MYRIP: variants seen among roughly 807,000 people sequenced by gnomAD.
MYRIP encodes myosin VIIA and Rab interacting protein, also known as rab effector MyRIP.
In MYRIP, 49 loss-of-function variants were observed where a neutral mutation model predicts 98.0. That is an observed-to-expected ratio of 0.50 (90% CI 0.40 to 0.63). The LOEUF is 0.63. Ranked by LOEUF, MYRIP falls within the 30% of genes least tolerant of loss-of-function variation. The probability of loss-of-function intolerance (pLI) is 0.00; values close to 1 mark genes in which losing one functional copy is unlikely to be tolerated. For missense variants in MYRIP, 1,004 were observed against 1,058.2 expected, an observed-to-expected ratio of 0.95 and a Z score of 0.71; for synonymous variants, 404 against 409.5, an observed-to-expected ratio of 0.99 and a Z score of 0.16.
At chr3:40,100,230 GAA>G in intron 3 of MYRIP, 5 of 985,402 alleles carry the variant, frequency 5.1e-6, no homozygotes, top group Non-Finnish European at 6.0e-6. Context: ...GAGCTTGGCA[GAA>G]AGAAAACCAC....
At chr3:39,826,775 C>A (rs1470456723) in intron 1 of MYRIP, among the ~76,000 whole-genome samples, 1 of 152,050 alleles carries the variant, frequency 6.6e-6, no homozygotes, top group East Asian at 1.9e-4. Flanking sequence ...GTTTATTTCT[C>A]CCTTTTGATC....
At chr3:40,099,867 C>A in intron 3 of MYRIP, 1 of 522,778 alleles carries the variant, frequency 1.9e-6, no homozygotes, top group Non-Finnish European at 2.5e-6. Flanking sequence ...AACATTTCCC[C>A]TACAAAGTTG....
intron 1 of MYRIP, among the ~76,000 whole-genome samples, chr3:39,864,776 C>G (rs1942574707): frequency 6.6e-6 from 1 of 152,128 alleles, no homozygotes; most frequent in South Asian, 2.1e-4. Flanking sequence ...CAATGACATT[C>G]TTCACAGAAT....
At chr3:39,970,187 T>C (rs1173714281) in intron 2 of MYRIP, 4 of 152,098 alleles carry the variant, frequency 2.6e-5, no homozygotes, top group Non-Finnish European at 5.9e-5. Context: ...TTATTGCTGA[T>C]TGAAAACTTT....
intron 10 of MYRIP, among the ~76,000 whole-genome samples, chr3:40,191,013 G>C (rs1277487858): frequency 1.3e-5 from 2 of 152,180 alleles, no homozygotes; most frequent in Non-Finnish European, 2.9e-5. Context: ...TTTATAAAGA[G>C]CTAAGCTCTG....
intron 3 of MYRIP, among the ~76,000 whole-genome samples, chr3:40,149,165 C>T (rs1950067104): frequency 6.6e-6 from 1 of 152,130 alleles, no homozygotes; most frequent in Non-Finnish European, 1.5e-5. Flanking sequence ...CAAGAAGGTG[C>T]CAGCATCTGC....
intron 2 of MYRIP, among the ~76,000 whole-genome samples, chr3:39,920,224 C>T (rs2125690021): frequency 6.6e-6 from 1 of 152,002 alleles, no homozygotes; most frequent in African/African-American, 2.4e-5. Context: ...TGATCTAGTC[C>T]ATGAATTCCA....
At chr3:39,867,123 G>A (rs770501062) in intron 1 of MYRIP, among the ~76,000 whole-genome samples, 4 of 152,072 alleles carry the variant, frequency 2.6e-5, no homozygotes, top group Non-Finnish European at 4.4e-5. Context: ...CTGGATATCC[G>A]CCTGCCAAAA....
chr3:39,863,936 A>G (rs1942546720), intron 1 of MYRIP, among the ~76,000 whole-genome samples: 1 of 152,216 alleles, frequency 6.6e-6, no homozygotes, highest in Admixed American at 6.5e-5. Flanking sequence ...CAGCACATCA[A>G]AAAGCTAATC....
rs1799429 is a variant in MYRIP at position 40,102,303 on chromosome 3, A to T, written c.333-48745A>T. Among the ~76,000 whole-genome samples the T allele has an allele frequency of 3.3e-5, 5 of 152,110 alleles. No individual in the cohort carries two copies. In the East Asian group the frequency reaches 9.7e-4, roughly 29 times the overall value. ...AGGCCTAACTATTTCATCTGCCTGC[A>T]TTCTCACTTCCAAAGGTAACTGATG... On this transcript the variant is annotated intron_variant, in intron 3 of 16. Transcript: ENST00000302541.
At position 40,175,964 on chromosome 3, in the gene MYRIP, T is replaced by C. The variant is rs117867759; in HGVS notation, c.873+5871T>C. Reference sequence around the variant, plus strand: ...GTGCAGCTGCTGCTGAGGCAAAGAATGTGAGGAACAACCATTGCTTGAGGA... The same window carrying C: ...GTGCAGCTGCTGCTGAGGCAAAGAACGTGAGGAACAACCATTGCTTGAGGA... On this transcript the variant is annotated intron_variant, in intron 8 of 16. Transcript: ENST00000302541. Among the ~76,000 whole-genome samples the C allele has an allele frequency of 1.8e-3, 274 of 152,364 alleles. 7 individuals are homozygous for C. In the East Asian group the frequency reaches 0.048, roughly 27 times the overall value.
chr3:40,153,729 C>G lies in MYRIP; in HGVS notation c.469+2545C>G, dbSNP rs1325792318. ...ATTTTCAGAATGTTGATTGTCAGAA[C>G]ATGATATGCAAAATCTGCAGTGCAC... On this transcript the variant is annotated intron_variant, in intron 4 of 16. Coordinates refer to ENST00000302541, the MANE Select transcript of MYRIP (RefSeq NM_015460.4). Among the ~76,000 whole-genome samples, 9 of 152,190 alleles carry G rather than the reference C, an allele frequency of 5.9e-5. No homozygotes were observed. In the East Asian group the frequency reaches 1.5e-3, roughly 26 times the overall value.
At position 39,951,048 on chromosome 3, in the gene MYRIP, A is replaced by G. The variant is rs116121978; in HGVS notation, c.110+50122A>G. ...ATTTTGGAAACTCTGACTGAGAAAC[A>G]GTGGCCATATGGGTCCCTTCTCTTC... On this transcript the variant is annotated intron_variant, in intron 2 of 16. Transcript: ENST00000302541. Among the ~76,000 whole-genome samples the G allele has an allele frequency of 9.3e-3, 1,424 of 152,334 alleles. 16 individuals are homozygous for G. The highest frequency in any genetic ancestry group is 0.033 in the African/African-American group (1,353 of 41,594).
chr3:40,081,236 A>G (rs1948472691), intron 3 of MYRIP, among the ~76,000 whole-genome samples: 2 of 152,108 alleles, frequency 1.3e-5, no homozygotes, highest in African/African-American at 4.8e-5. Flanking sequence ...TGTCTTATGT[A>G]TGATCTTTAG....
chr3:39,823,422 C>A (rs1036314991), intron 1 of MYRIP, among the ~76,000 whole-genome samples: 2 of 152,134 alleles, frequency 1.3e-5, no homozygotes, highest in African/African-American at 4.8e-5. Flanking sequence ...TTTTGAGGAA[C>A]CTCCATACTG....
intron 11 of MYRIP, among the ~76,000 whole-genome samples, chr3:40,220,448 C>A (rs1230939387): frequency 6.6e-6 from 1 of 152,108 alleles, no homozygotes; most frequent in African/African-American, 2.4e-5. Context: ...AGGTTTTCTT[C>A]TAGGGTTTTT....
chr3:40,132,613 T>C (rs1292939950), intron 3 of MYRIP, among the ~76,000 whole-genome samples: 1 of 152,368 alleles, frequency 6.6e-6, no homozygotes, highest in East Asian at 1.9e-4. Context: ...TTTTGACCTC[T>C]CAGTGAATCT....
At chr3:39,926,223 T>C (rs539052243) in intron 2 of MYRIP, among the ~76,000 whole-genome samples, 84 of 152,246 alleles carry the variant, frequency 5.5e-4, no homozygotes, top group African/African-American at 1.9e-3. Context: ...CCTTATAGAT[T>C]CTGGATATTA....
chr3:40,100,110 G>C (rs1343820712), intron 3 of MYRIP: 11 of 985,308 alleles, frequency 1.1e-5, no homozygotes, highest in Middle Eastern at 5.2e-4. Flanking sequence ...CTTATCCTCT[G>C]TCTGGGCTTT....
Sources: gnomAD v4.1 joint callset for allele counts (sites outside exome capture counted in the v4.1 genomes callset) on GRCh38, gnomAD v4.1.1 for gene constraint, MANE v1.5 for transcripts, NCBI Gene and HGNC (gene_info 2026-07-23, HGNC 2026-07-21) for gene names.